KAZN: variants seen among roughly 807,000 people sequenced by gnomAD.
KAZN encodes the protein kazrin, periplakin interacting protein.
KAZN carries 40 observed loss-of-function variants against 87.4 expected under a neutral mutation model. The ratio of observed to expected loss-of-function variants is 0.46; its 90% CI spans 0.36 to 0.60. The LOEUF (loss-of-function observed/expected upper bound fraction) is 0.60. Ranked by LOEUF, KAZN falls within the 20% of genes least tolerant of loss-of-function variation. KAZN has a pLI of 0.00. For synonymous variants in KAZN, 466 were observed against 458.3 expected, an observed-to-expected ratio of 1.02 and a Z score of -0.22; for missense variants, 898 against 1,073.9, an observed-to-expected ratio of 0.84 and a Z score of 2.29.
At chr1:14,206,485 GC>G (rs1296524701) in intron 2 of KAZN, among the ~76,000 whole-genome samples, 1 of 151,996 alleles carries the variant, frequency 6.6e-6, no homozygotes, top group Non-Finnish European at 1.5e-5. Context: ...ATTTGTTGTA[GC>G]CTCCCTCTCT....
At chr1:14,587,666 T>C (rs1342508523) in intron 2 of KAZN, among the ~76,000 whole-genome samples, 1 of 151,816 alleles carries the variant, frequency 6.6e-6, no homozygotes, top group Non-Finnish European at 1.5e-5. Context: ...CCAGATCTCG[T>C]GTGAACTAAC....
At chr1:14,208,650 G>T (rs1458619017) in intron 2 of KAZN, among the ~76,000 whole-genome samples, 1 of 152,192 alleles carries the variant, frequency 6.6e-6, no homozygotes, top group Non-Finnish European at 1.5e-5. Context: ...CCTGCACTTT[G>T]CCAAGCTGAG....
At chr1:14,653,405 G>A (rs1444367462) in intron 1 of KAZN, among the ~76,000 whole-genome samples, 4 of 152,202 alleles carry the variant, frequency 2.6e-5, no homozygotes, top group East Asian at 3.9e-4. Context: ...GTTGGGGCCC[G>A]TGGGAGACAA....
At chr1:14,620,669 G>T (rs1250511697) in intron 1 of KAZN, among the ~76,000 whole-genome samples, 1 of 152,168 alleles carries the variant, frequency 6.6e-6, no homozygotes, top group Non-Finnish European at 1.5e-5. Context: ...ATACCACAGT[G>T]GGCAAGAGGC....
At position 14,644,355 on chromosome 1, in the gene KAZN, GT is replaced by G. The variant is rs149320583; in HGVS notation, c.226+45145del. On this transcript the variant is annotated intron_variant, in intron 1 of 14. Coordinates refer to ENST00000376030, the MANE Select transcript of KAZN (RefSeq NM_201628.3). ...TTGTCTGTTTTTCTCTTGTAAATTT[GT>G]TTTTTTTTTTTTCTTCTTTTTTTGA... 4.3e-3 allele frequency among the ~76,000 whole-genome samples: 584 copies of G among 136,476 alleles called. 2 individuals are homozygous for G. The highest frequency in any genetic ancestry group is 0.019 in the South Asian group (80 of 4,174). The allele number at this position is 136,476 out of a possible 152,430, so 89.5% of individuals were successfully genotyped here.
chr1:14,085,660 G>A (rs1643831716), intron 1 of KAZN, among the ~76,000 whole-genome samples: 1 of 152,092 alleles, frequency 6.6e-6, no homozygotes, highest in African/African-American at 2.4e-5. Flanking sequence ...CGATTCACAG[G>A]TGATGGACAT....
At chr1:14,070,993 G>A (rs145966749) in intron 1 of KAZN, among the ~76,000 whole-genome samples, 1 of 152,268 alleles carries the variant, frequency 6.6e-6, no homozygotes, top group African/African-American at 2.4e-5. Context: ...ATCCAAACCT[G>A]AGTCTCCCTG....
chr1:14,741,033 G>C (rs1289312555), intron 1 of KAZN, among the ~76,000 whole-genome samples: 3 of 152,206 alleles, frequency 2.0e-5, no homozygotes, highest in Non-Finnish European at 4.4e-5. Context: ...GCAGCCTCCA[G>C]GCAGCTGGGG....
At chr1:15,014,390 C>T (rs1669875128) in intron 2 of KAZN, among the ~76,000 whole-genome samples, 1 of 152,128 alleles carries the variant, frequency 6.6e-6, no homozygotes, top group South Asian at 2.1e-4. Flanking sequence ...TTTTCTCAAC[C>T]ACAGTGCTCC....
intron 2 of KAZN, among the ~76,000 whole-genome samples, chr1:14,963,391 C>G (rs1049644758): frequency 3.3e-5 from 5 of 152,144 alleles, no homozygotes; most frequent in African/African-American, 7.2e-5. Flanking sequence ...ATAACTTGAC[C>G]AGGGTGGCAG....
chr1:14,794,009 A>G (rs1645758596), intron 1 of KAZN, among the ~76,000 whole-genome samples: 1 of 152,198 alleles, frequency 6.6e-6, no homozygotes, highest in Admixed American at 6.5e-5. Context: ...GTAACACCAC[A>G]GGTCCTGACC....
upstream of KAZN, among the ~76,000 whole-genome samples, chr1:14,594,113 C>A (rs1031003980): frequency 2.6e-5 from 4 of 152,170 alleles, no homozygotes; most frequent in South Asian, 2.1e-4. Context: ...GTAGGGCAAC[C>A]ATATATACTG....
chr1:14,128,394 G>A (rs1441082923), intron 1 of KAZN, among the ~76,000 whole-genome samples: 2 of 152,066 alleles, frequency 1.3e-5, no homozygotes, highest in South Asian at 2.1e-4. Flanking sequence ...CAGACTGGGT[G>A]GCTTAAACCA....
chr1:14,406,193 A>G (rs1308528592), intron 2 of KAZN, among the ~76,000 whole-genome samples: 1 of 152,196 alleles, frequency 6.6e-6, no homozygotes, highest in African/African-American at 2.4e-5. Flanking sequence ...TGCCCGTCTC[A>G]AAACATCTCA....
chr1:14,213,131 G>T (rs16853797), intron 2 of KAZN, among the ~76,000 whole-genome samples: 4 of 152,032 alleles, frequency 2.6e-5, no homozygotes, highest in African/African-American at 9.7e-5. Flanking sequence ...TTATTTAAAG[G>T]CTATTTTAGC....
At chr1:14,323,851 G>A (rs1656218658) in intron 2 of KAZN, among the ~76,000 whole-genome samples, 1 of 152,160 alleles carries the variant, frequency 6.6e-6, no homozygotes, top group African/African-American at 2.4e-5. Context: ...CCCAGATTGA[G>A]TTTTAATTGA....
chr1:13,952,475 G>A (rs1476825592), intron 1 of KAZN, among the ~76,000 whole-genome samples: 3 of 151,952 alleles, frequency 2.0e-5, no homozygotes, highest in Non-Finnish European at 4.4e-5. Context: ...TCAGAGCTTC[G>A]CAATTCTTCT....
intron 2 of KAZN, among the ~76,000 whole-genome samples, chr1:14,212,368 TA>T (rs1646870806): frequency 6.6e-6 from 1 of 151,920 alleles, no homozygotes; most frequent in Non-Finnish European, 1.5e-5. Flanking sequence ...GAAATTATGC[TA>T]AGTGATCACA....
chr1:14,706,934 G>A (rs752997072), intron 1 of KAZN, among the ~76,000 whole-genome samples: 15 of 152,176 alleles, frequency 9.9e-5, no homozygotes, highest in African/African-American at 2.2e-4. Flanking sequence ...GGGCTGAATC[G>A]TCTGTAGAGT....
Sources: gnomAD v4.1 joint callset for allele counts (sites outside exome capture counted in the v4.1 genomes callset) on GRCh38, gnomAD v4.1.1 for gene constraint, MANE v1.5 for transcripts, NCBI Gene and HGNC (gene_info 2026-07-23, HGNC 2026-07-21) for gene names.